SGCZ: variants seen among roughly 807,000 people sequenced by gnomAD.
The protein encoded by SGCZ is zeta-sarcoglycan.
SGCZ carries 40 observed loss-of-function variants against 41.3 expected under a neutral mutation model. The observed-to-expected ratio is 0.97, with a 90% CI of 0.75 to 1.26. The LOEUF is 1.26. Ranked by LOEUF, SGCZ falls within the 50% of genes most tolerant of loss-of-function variation. SGCZ has a pLI of 0.00. For missense variants in SGCZ, 552 were observed against 369.8 expected (o/e 1.49, Z -4.04); for synonymous variants, 206 against 137.5 (o/e 1.50, Z -3.49).
At chr8:15,180,872 G>C (rs185324190) in intron 1 of SGCZ, among the ~76,000 whole-genome samples, 2,134 of 150,774 alleles carry the variant, frequency 0.014, 41 homozygotes, top group African/African-American at 0.049. Context: ...GGGCAACAGA[G>C]CGAGACTCCA....
chr8:14,117,106 T>G (rs773143774), intron 5 of SGCZ, among the ~76,000 whole-genome samples: 1 of 152,100 alleles, frequency 6.6e-6, no homozygotes, highest in Non-Finnish European at 1.5e-5. Context: ...GGTCGTCCTA[T>G]GACCTACAAA....
chr8:14,221,388 G>C lies in SGCZ; in HGVS notation c.424+16204C>G, dbSNP rs190519828. On this transcript the variant is annotated intron_variant, in intron 4 of 7. Transcript: ENST00000382080. ...TGGTTGACACCTATAATTTTCAGGA[G>C]AGGCAATTGTTGTTTTTGCTGTGTT... Among the ~76,000 whole-genome samples the C allele has an allele frequency of 4.6e-5, 7 of 152,150 alleles. No individual in the cohort carries two copies. In the East Asian group the frequency reaches 1.2e-3, roughly 25 times the overall value.
At chr8:15,217,542 A>G (rs1801447604) in intron 1 of SGCZ, among the ~76,000 whole-genome samples, 1 of 151,360 alleles carries the variant, frequency 6.6e-6, no homozygotes, top group Admixed American at 6.6e-5. Flanking sequence ...GATGAATTAT[A>G]CCAATCTAGG....
chr8:14,786,142 C>G (rs1180814124), intron 1 of SGCZ, among the ~76,000 whole-genome samples: 2 of 148,710 alleles, frequency 1.3e-5, no homozygotes, highest in East Asian at 3.9e-4. Flanking sequence ...TCCATAGTAT[C>G]TAAGCCTGTC....
intron 1 of SGCZ, among the ~76,000 whole-genome samples, chr8:14,763,092 G>A (rs1387800533): frequency 1.3e-5 from 2 of 152,106 alleles, no homozygotes; most frequent in Non-Finnish European, 2.9e-5. Flanking sequence ...AAATTTGTTT[G>A]TTGCTGGTGT....
chr8:14,237,531 C>A (rs929228732), intron 4 of SGCZ, 61 bp downstream of exon 4: 1 of 1,490,932 alleles, frequency 6.7e-7, no homozygotes, highest in Non-Finnish European at 9.3e-7. Context: ...AACCAAAAAC[C>A]AAAAACAACA....
At chr8:14,857,737 G>C (rs543121335) in intron 1 of SGCZ, among the ~76,000 whole-genome samples, 29 of 152,174 alleles carry the variant, frequency 1.9e-4, no homozygotes, top group African/African-American at 6.5e-4. Context: ...GTGGTGGCAA[G>C]TGCCTGTAAT....
chr8:14,683,308 T>G (rs953644325), intron 1 of SGCZ, among the ~76,000 whole-genome samples: 1 of 152,124 alleles, frequency 6.6e-6, no homozygotes, highest in Non-Finnish European at 1.5e-5. Flanking sequence ...TGACAGATGT[T>G]TAAGGTGGCA....
chr8:14,955,176 TA>T (rs1226714759), intron 1 of SGCZ, among the ~76,000 whole-genome samples: 2 of 151,938 alleles, frequency 1.3e-5, no homozygotes, highest in Non-Finnish European at 2.9e-5. Flanking sequence ...TTAGTGAAGT[TA>T]AAAAAAAGAA....
chr8:14,905,482 G>T (rs4831661), intron 1 of SGCZ, among the ~76,000 whole-genome samples: 32,927 of 151,884 alleles, frequency 0.22, 5,244 homozygotes, highest in African/African-American at 0.44. Flanking sequence ...CATTGGAATT[G>T]AAACTTGGAG....
intron 2 of SGCZ, among the ~76,000 whole-genome samples, chr8:14,346,538 G>A (rs1426994): frequency 1 from 152,050 of 152,162 alleles, 75,969 homozygotes; most frequent in Non-Finnish European, 1. Flanking sequence ...GAGTTACATA[G>A]TGCATTTTGT....
intron 2 of SGCZ, among the ~76,000 whole-genome samples, chr8:14,430,131 A>G (rs1423827812): frequency 6.7e-6 from 1 of 149,560 alleles, no homozygotes; most frequent in African/African-American, 2.4e-5. Context: ...AAGAATTGAT[A>G]TCAATTCCAT....
intron 5 of SGCZ, among the ~76,000 whole-genome samples, chr8:14,154,845 T>C (rs1803828671): frequency 6.6e-6 from 1 of 152,158 alleles, no homozygotes; most frequent in African/African-American, 2.4e-5. Context: ...GGTAGTCCTA[T>C]CTAAGGTCTC....
intron 2 of SGCZ, among the ~76,000 whole-genome samples, chr8:14,489,341 G>C (rs1801774182): frequency 6.6e-6 from 1 of 152,066 alleles, no homozygotes; most frequent in East Asian, 1.9e-4. Flanking sequence ...AATGGACACA[G>C]AATAGGGTCT....
At chr8:14,926,641 G>C (rs1799759832) in intron 1 of SGCZ, among the ~76,000 whole-genome samples, 1 of 146,466 alleles carries the variant, frequency 6.8e-6, no homozygotes, top group African/African-American at 2.6e-5. Flanking sequence ...TTCCGTGTGT[G>C]TGGTTTTTTT....
chr8:14,192,510 T>A (rs1460308466), intron 4 of SGCZ, among the ~76,000 whole-genome samples: 1 of 151,864 alleles, frequency 6.6e-6, no homozygotes, highest in Non-Finnish European at 1.5e-5. Context: ...TTTATAAAAC[T>A]TACCCATACA....
chr8:14,904,686 G>A (rs917038627), intron 1 of SGCZ, among the ~76,000 whole-genome samples: 3 of 151,850 alleles, frequency 2.0e-5, no homozygotes, highest in South Asian at 4.1e-4. Context: ...TTCATACACA[G>A]CATTCTACTT....
intron 1 of SGCZ, among the ~76,000 whole-genome samples, chr8:14,715,560 A>ACACACACC (rs1554486604): frequency 7.6e-4 from 115 of 151,416 alleles, no homozygotes; most frequent in African/African-American, 2.6e-3. Context: ...ACACACACAC[A>ACACACACC]AACATGCACA....
chr8:15,183,717 G>A (rs534681), intron 1 of SGCZ, among the ~76,000 whole-genome samples: 67,005 of 151,944 alleles, frequency 0.44, 15,444 homozygotes, highest in South Asian at 0.54. Flanking sequence ...AAAATATACC[G>A]GGATAGCTTT....
Sources: allele counts gnomAD v4.1 joint callset (sites outside exome capture counted in the v4.1 genomes callset), GRCh38; gene constraint gnomAD v4.1.1; transcripts MANE v1.5; gene names NCBI Gene and HGNC (gene_info 2026-07-23, HGNC 2026-07-21).